The following AK9 variants were observed in gnomAD, a reference collection of about 807,000 sequenced individuals.
AK9 encodes the protein adenylate kinase 9.
Under a neutral mutation model 239.6 loss-of-function variants are expected in AK9, and 191 were observed. The ratio of observed to expected loss-of-function variants is 0.80; its 90% CI spans 0.71 to 0.90. The LOEUF is 0.90. Ranked by LOEUF, AK9 falls within the 40% of genes least tolerant of loss-of-function variation. The pLI, the probability that AK9 is intolerant of heterozygous loss-of-function variation, is 0.00. For missense variants in AK9, 1,995 were observed against 2,214.7 expected, an observed-to-expected ratio of 0.90 and a Z score of 1.99; for synonymous variants, 689 against 721.0, an observed-to-expected ratio of 0.96 and a Z score of 0.71.
At chr6:109,678,817 C>T (rs912918972) in intron 1 of AK9, among the ~76,000 whole-genome samples, 6 of 151,946 alleles carry the variant, frequency 3.9e-5, no homozygotes, top group African/African-American at 1.4e-4. Context: ...TAAGCTGAAG[C>T]GGGGTGAGGC....
intron 17 of AK9, among the ~76,000 whole-genome samples, chr6:109,604,448 C>T (rs1792568854): frequency 2.0e-5 from 3 of 151,770 alleles, no homozygotes; most frequent in African/African-American, 2.4e-5. Flanking sequence ...TAGTTTCTTC[C>T]CAACAGTTAA....
At chr6:109,651,492 C>T (rs980362839) in intron 8 of AK9, among the ~76,000 whole-genome samples, 2 of 152,156 alleles carry the variant, frequency 1.3e-5, no homozygotes, top group African/African-American at 4.8e-5. Flanking sequence ...GACAACCTAA[C>T]ATCACAATGA....
chr6:109,573,462 G>C lies in AK9; in HGVS notation c.2324C>G (p.Pro775Arg). The change falls in exon 21 of 41, where the codon CCT (proline) becomes CGT (arginine). Residue 775 changes from proline (P) to arginine (R), a missense_variant. By Grantham distance (103) the Pro-to-Arg change is moderately radical. Around this residue, in one of 5 missense-constraint regions of AK9, gnomAD observed 1,290 missense variants for 1,392.7 expected, o/e 0.93. Coordinates refer to ENST00000424296, the MANE Select transcript of AK9 (RefSeq NM_001145128.3). ...LPEEFEASEVPETEPEAVSEP... is the reference protein window; with the variant it reads ...LPEEFEASEVRETEPEAVSEP... The stretch of plus-strand genomic sequence containing the variant: ...CTAACCTGCTTCAGGCTCAGTTTCA[G>C]GGACCTCAGATGCTTCAAACTCCTC... 6.5e-7 allele frequency: 1 copy of C among 1,548,976 alleles called. No homozygotes were observed. Among genetic ancestry groups the C allele is most frequent in the African/African-American group, 1.4e-5 (1 of 72,998 alleles).
chr6:109,685,150 C>A (rs1469389052), intron 1 of AK9, among the ~76,000 whole-genome samples: 2 of 151,988 alleles, frequency 1.3e-5, no homozygotes, highest in Non-Finnish European at 2.9e-5. Flanking sequence ...ATTAGTTCAA[C>A]CATTGTGGAA....
intron 8 of AK9, among the ~76,000 whole-genome samples, chr6:109,645,278 G>A (rs1403273529): frequency 1.3e-5 from 2 of 152,184 alleles, no homozygotes; most frequent in Non-Finnish European, 2.9e-5. Flanking sequence ...GGAAGCACAA[G>A]GGGTGGGGGG....
chr6:109,505,929 T>C (rs1233228778), intron 35 of AK9, among the ~76,000 whole-genome samples: 1 of 152,206 alleles, frequency 6.6e-6, no homozygotes, highest in Non-Finnish European at 1.5e-5. Context: ...ATCTGGTATC[T>C]GGAGAGGCAC....
intron 28 of AK9, 112 bp from the exon 29 acceptor site, chr6:109,529,185 T>G: frequency 1.6e-6 from 2 of 1,242,696 alleles, no homozygotes; most frequent in Non-Finnish European, 2.2e-6. Context: ...AGAAGCACAG[T>G]GAACTTTGCA....
chr6:109,567,183 C>T (rs149607407), intron 21 of AK9, among the ~76,000 whole-genome samples: 2 of 151,998 alleles, frequency 1.3e-5, no homozygotes, highest in East Asian at 3.9e-4. Flanking sequence ...AGACTGCTAG[C>T]AAGACTAATG....
At chr6:109,649,745 A>G (rs1798632318) in intron 8 of AK9, among the ~76,000 whole-genome samples, 3 of 152,242 alleles carry the variant, frequency 2.0e-5, no homozygotes, top group Non-Finnish European at 4.4e-5. Context: ...TTTAAAGTTC[A>G]TATGGAACCA....
intron 6 of AK9, among the ~76,000 whole-genome samples, chr6:109,662,273 C>T (rs759614794): frequency 4.6e-5 from 7 of 152,100 alleles, no homozygotes; most frequent in East Asian, 3.9e-4. Context: ...GGTGGTGGAG[C>T]GGGGTAGTTG....
At chr6:109,597,188 C>G (rs1253527272) in intron 17 of AK9, among the ~76,000 whole-genome samples, 1 of 152,050 alleles carries the variant, frequency 6.6e-6, no homozygotes, top group Non-Finnish European at 1.5e-5. Flanking sequence ...ATTTTAAAGT[C>G]TTTTCATACA....
chr6:109,502,929 G>C (rs1777734995), intron 35 of AK9, among the ~76,000 whole-genome samples: 1 of 151,412 alleles, frequency 6.6e-6, no homozygotes. Flanking sequence ...GTTAAACTGT[G>C]TTCAGATTTC....
At chr6:109,499,953 C>G (rs1012011104) in intron 35 of AK9, among the ~76,000 whole-genome samples, 4 of 151,448 alleles carry the variant, frequency 2.6e-5, no homozygotes, top group Non-Finnish European at 1.5e-5. Flanking sequence ...TATAAACATA[C>G]ATGTAGTTTA....
Position 109,688,842 on chromosome 6 carries a change from T to C in AK9, c.-12+2305A>G, listed in dbSNP as rs371063207. Among the ~76,000 whole-genome samples, 6 of 152,280 alleles carry C rather than the reference T, an allele frequency of 3.9e-5. No individual in the cohort carries two copies. In the East Asian group the frequency reaches 1.2e-3, roughly 29 times the overall value. On this transcript the variant is annotated intron_variant, in intron 1 of 40. Coordinates refer to ENST00000424296, the MANE Select transcript of AK9 (RefSeq NM_001145128.3). ...GCAGATGGAGATAGGGTTGCTGCTA[T>C]GTGATTGGATGAGATTGGGGGTGCT...
chr6:109,669,972 C>T (rs1308353796), intron 5 of AK9, among the ~76,000 whole-genome samples: 1 of 152,186 alleles, frequency 6.6e-6, no homozygotes, highest in Admixed American at 6.5e-5. Context: ...CCATTTATAT[C>T]ACTTTTCCTC....
intron 17 of AK9, among the ~76,000 whole-genome samples, chr6:109,592,794 G>GT (rs1790461443): frequency 1.1e-5 from 1 of 93,674 alleles, no homozygotes; most frequent in South Asian, 7.8e-4. Context: ...CTGATTTTAG[G>GT]ATTTTTTTCC....
intron 12 of AK9, among the ~76,000 whole-genome samples, chr6:109,628,447 T>TCC (rs1199807874): frequency 6.6e-6 from 1 of 152,156 alleles, no homozygotes; most frequent in East Asian, 1.9e-4. Flanking sequence ...CAGGAAACTG[T>TCC]CCCTATCCAT....
chr6:109,644,452 T>A, intron 9 of AK9, 162 bp downstream of exon 9: 1 of 517,946 alleles, frequency 1.9e-6, no homozygotes, highest in Non-Finnish European at 3.1e-6. Context: ...AATGGACAGA[T>A]GAATAAACAG....
intron 24 of AK9, among the ~76,000 whole-genome samples, chr6:109,556,188 G>C (rs1014126491): frequency 6.6e-6 from 1 of 152,196 alleles, no homozygotes; most frequent in African/African-American, 2.4e-5. Context: ...TCTTTCAGGA[G>C]CTCTTGCAGG....
Sources: gnomAD v4.1 joint callset for allele counts (sites outside exome capture counted in the v4.1 genomes callset) on GRCh38, gnomAD v4.1.1 for gene constraint, gnomAD v4.1.1 regional missense constraint, MANE v1.5 for transcripts, NCBI Gene and HGNC (gene_info 2026-07-23, HGNC 2026-07-21) for gene names.